BRD4: variants seen among roughly 807,000 people sequenced by gnomAD.
BRD4 encodes the protein bromodomain containing 4, also known as bromodomain-containing protein 4.
BRD4 carries 16 observed loss-of-function variants against 142.1 expected under a neutral mutation model. The observed-to-expected ratio is 0.11, with a 90% CI of 0.08 to 0.17. The LOEUF (loss-of-function observed/expected upper bound fraction) is 0.17, where lower values mean the gene tolerates loss of function less well. BRD4 is among the 10% of genes least tolerant of loss of function. The pLI is 1.00. For missense variants in BRD4, 1,424 were observed against 1,810.9 expected (o/e 0.79, Z 3.88); for synonymous variants, 833 against 707.5 (o/e 1.18, Z -2.82).
intron 1 of BRD4, among the ~76,000 whole-genome samples, chr19:15,312,600 C>A (rs139173452): frequency 2.0e-5 from 3 of 151,974 alleles, no homozygotes; most frequent in Non-Finnish European, 2.9e-5. Context: ...CCATTGCACT[C>A]CAGCCTGGGC....
At chr19:15,286,979 T>C (rs2047744736) in intron 1 of BRD4, among the ~76,000 whole-genome samples, 1 of 152,228 alleles carries the variant, frequency 6.6e-6, no homozygotes, top group Non-Finnish European at 1.5e-5. Flanking sequence ...TGGGGAATAC[T>C]ACACATTCAG....
chr19:15,307,915 G>A (rs1052586785), intron 1 of BRD4, among the ~76,000 whole-genome samples: 7 of 151,712 alleles, frequency 4.6e-5, no homozygotes, highest in Non-Finnish European at 1.0e-4. Flanking sequence ...GGGAGTTCGA[G>A]ACCAGCCTGG....
intron 1 of BRD4, among the ~76,000 whole-genome samples, chr19:15,328,614 A>C (rs1467248532): frequency 1.3e-5 from 2 of 152,182 alleles, no homozygotes; most frequent in Non-Finnish European, 2.9e-5. Flanking sequence ...AAGCGGGATT[A>C]TTTGCATTTG....
intron 1 of BRD4, among the ~76,000 whole-genome samples, chr19:15,325,695 T>C (rs1319497993): frequency 6.6e-6 from 1 of 151,784 alleles, no homozygotes; most frequent in Non-Finnish European, 1.5e-5. Flanking sequence ...ACCTCCCAAT[T>C]CAAAGATGAA....
At chr19:15,307,165 G>A (rs528938181) in intron 1 of BRD4, among the ~76,000 whole-genome samples, 42 of 152,296 alleles carry the variant, frequency 2.8e-4, no homozygotes, top group African/African-American at 7.7e-4. Flanking sequence ...CAAGTTGAGT[G>A]ACACAAATCA....
chr19:15,321,263 C>CA (rs902118099), intron 1 of BRD4, among the ~76,000 whole-genome samples: 2 of 148,356 alleles, frequency 1.3e-5, no homozygotes, highest in Admixed American at 6.8e-5. Context: ...GGAAAGAAAA[C>CA]AAAGAAAAAA....
intron 13 of BRD4, 42 bp downstream of exon 13, chr19:15,244,189 A>T: frequency 6.5e-7 from 1 of 1,537,992 alleles, no homozygotes; most frequent in Admixed American, 2.0e-5. Flanking sequence ...AAACCGAGGC[A>T]GGAAGGGGTC....
chr19:15,257,798 A>C (rs2047428824), intron 7 of BRD4, among the ~76,000 whole-genome samples: 1 of 152,164 alleles, frequency 6.6e-6, no homozygotes, highest in South Asian at 2.1e-4. Flanking sequence ...ACACAGGACA[A>C]GGTAAGAGAG....
At chr19:15,254,937 A>G (rs2047389605) in intron 10 of BRD4, among the ~76,000 whole-genome samples, 3 of 152,190 alleles carry the variant, frequency 2.0e-5, no homozygotes, top group South Asian at 4.1e-4. Context: ...TGCATAACGT[A>G]TCGGTACACA....
At chr19:15,259,092 C>G (rs142014190) in intron 7 of BRD4, among the ~76,000 whole-genome samples, 1 of 151,414 alleles carries the variant, frequency 6.6e-6, no homozygotes, top group African/African-American at 2.5e-5. Context: ...CACCCGGCTA[C>G]GTGGCAGGTG....
intron 6 of BRD4, among the ~76,000 whole-genome samples, chr19:15,263,795 G>A (rs545107242): frequency 1.3e-5 from 2 of 152,302 alleles, no homozygotes; most frequent in South Asian, 2.1e-4. Flanking sequence ...ACAGGAGGCG[G>A]AGCCTGAGCC....
intron 1 of BRD4, among the ~76,000 whole-genome samples, chr19:15,327,924 G>GGGT (rs2048123440): frequency 8.1e-6 from 1 of 123,680 alleles, no homozygotes; most frequent in Non-Finnish European, 1.7e-5. Flanking sequence ...CTTTTGGGGG[G>GGGT]GGGGGGTGGA....
chr19:15,309,064 C>T lies in BRD4; in HGVS notation c.-35+23226G>A, dbSNP rs1258970810. ...AAAATAAAAACTTTAGGGCCGGGTGCGGTGGCTCACACCTGTAATCCCAGC... is the reference window on the plus strand; with the variant it reads ...AAAATAAAAACTTTAGGGCCGGGTGTGGTGGCTCACACCTGTAATCCCAGC... On this transcript the variant is annotated intron_variant, in intron 1 of 19. Coordinates refer to ENST00000679869, the MANE Select transcript of BRD4 (RefSeq NM_001379291.1). 9.9e-5 allele frequency among the ~76,000 whole-genome samples: 15 copies of T among 151,268 alleles called. 1 individual carries two copies. Among genetic ancestry groups the T allele is most frequent in the African/African-American group, 2.9e-4 (12 of 41,168 alleles).
At position 15,263,555 on chromosome 19, in the gene BRD4, A is replaced by G. The variant is rs1468050623; in HGVS notation, c.1213-7T>C. 6.2e-7 allele frequency: 1 copy of G among 1,613,976 alleles called. No individual in the cohort carries two copies. The highest frequency in any genetic ancestry group is 8.5e-7 in the Non-Finnish European group (1 of 1,179,938). On this transcript the variant is annotated splice_polypyrimidine_tract_variant and splice_region_variant and intron_variant, in intron 6 of 19. Coordinates refer to ENST00000679869, the MANE Select transcript of BRD4 (RefSeq NM_001379291.1). Reference sequence around the variant, plus strand: ...CACGGGCCTCCAGTTTAGACTGGAAAACAAGACAAGTCCCTGTTAGCTGTG... The same window carrying G: ...CACGGGCCTCCAGTTTAGACTGGAAGACAAGACAAGTCCCTGTTAGCTGTG...
chr19:15,290,587 G>A (rs1223898163), intron 1 of BRD4, among the ~76,000 whole-genome samples: 1 of 152,126 alleles, frequency 6.6e-6, no homozygotes, highest in Non-Finnish European at 1.5e-5. Context: ...CAGCCCTGGG[G>A]AAGCAATTTC....
At chr19:15,274,719 T>G (rs2047627403) in intron 1 of BRD4, among the ~76,000 whole-genome samples, 1 of 152,216 alleles carries the variant, frequency 6.6e-6, no homozygotes, top group South Asian at 2.1e-4. Context: ...CTTCTAGAAC[T>G]TCTGGGCTGG....
chr19:15,323,012 T>C (rs2048077225), intron 1 of BRD4, among the ~76,000 whole-genome samples: 1 of 151,368 alleles, frequency 6.6e-6, no homozygotes, highest in African/African-American at 2.4e-5. Flanking sequence ...ATCATACCAC[T>C]GCACTCCAGC....
At chr19:15,277,966 C>T (rs899885685) in intron 1 of BRD4, among the ~76,000 whole-genome samples, 1 of 151,448 alleles carries the variant, frequency 6.6e-6, no homozygotes, top group Non-Finnish European at 1.5e-5. Context: ...ATTAGCCAGG[C>T]ATGGCAGCGG....
At chr19:15,247,410 TAA>T (rs2047298559) in intron 11 of BRD4, 1 of 232,356 alleles carries the variant, frequency 4.3e-6, no homozygotes, top group African/African-American at 2.2e-5. Context: ...GGTGACAGCT[TAA>T]GTCTAATGAG....
Sources: gnomAD v4.1 joint callset for allele counts (sites outside exome capture counted in the v4.1 genomes callset) on GRCh38, gnomAD v4.1.1 for gene constraint, MANE v1.5 for transcripts, NCBI Gene and HGNC (gene_info 2026-07-23, HGNC 2026-07-21) for gene names.